ERICH3: variants seen among roughly 807,000 people sequenced by gnomAD.
ERICH3 encodes the protein glutamate-rich protein 3.
Under a neutral mutation model 131.1 loss-of-function variants are expected in ERICH3, and 126 were observed. The ratio of observed to expected loss-of-function variants is 0.96; its 90% confidence interval spans 0.83 to 1.11. The LOEUF is 1.11. ERICH3 is among the 50% of genes most tolerant of loss of function. ERICH3 has a pLI of 0.00. For synonymous variants in ERICH3, 695 were observed against 644.6 expected, an observed-to-expected ratio of 1.08 and a Z score of -1.18; for missense variants, 2,050 against 1,810.7, an observed-to-expected ratio of 1.13 and a Z score of -2.40.
intron 12 of ERICH3, chr1:74,579,996 CT>C: frequency 1.6e-6 from 1 of 622,932 alleles, no homozygotes; most frequent in Non-Finnish European, 2.0e-6. Context: ...ACAATGTCAG[CT>C]TTTTAGTATA....
At chr1:74,630,882 T>C (rs777053073) in intron 7 of ERICH3, among the ~76,000 whole-genome samples, 23 of 150,616 alleles carry the variant, frequency 1.5e-4, no homozygotes, top group South Asian at 4.2e-4. Flanking sequence ...AGGGAGAGAA[T>C]TGGTAAAAGT....
chr1:74,636,265 A>T lies in ERICH3; in HGVS notation c.603+15T>A. 6.4e-7 allele frequency: 1 copy of T among 1,565,284 alleles called. No homozygotes were observed. Among genetic ancestry groups the T allele is most frequent in the Non-Finnish European group, 8.6e-7 (1 of 1,157,850 alleles). On this transcript the variant is annotated intron_variant, in intron 6 of 14. Transcript: ENST00000326665. Reference sequence around the variant, plus strand: ...CAAAAATTAAAATATATTTATTGATAAAAATAACATTTACCCCAATGGGAA... The same window carrying T: ...CAAAAATTAAAATATATTTATTGATTAAAATAACATTTACCCCAATGGGAA...
intron 9 of ERICH3, among the ~76,000 whole-genome samples, chr1:74,607,788 T>C (rs1314818476): frequency 2.6e-5 from 4 of 152,026 alleles, no homozygotes; most frequent in African/African-American, 9.7e-5. Context: ...TATAGCTTTC[T>C]ATTTCTTAAG....
In ERICH3 at chr1:74,572,244, T is replaced by C. The variant is rs778078125; in HGVS notation, c.3466A>G (p.Ile1156Val). The C allele has an allele frequency of 1.8e-5, 29 of 1,614,132 alleles. No individual in the cohort carries two copies. The highest frequency in any genetic ancestry group is 2.4e-5 in the Non-Finnish European group (28 of 1,180,014). Reference protein sequence around the residue: ...EDSLKETVVPIFEATPGFEKS... With the variant: ...EDSLKETVVPVFEATPGFEKS... The stretch of plus-strand genomic sequence containing the variant: ...TCAAATCCAGGCGTTGCTTCAAATA[T>C]GGGAACCACTGTCTCTTTTAGTGAA... Residue 1156 changes from isoleucine (I) to valine (V), a missense_variant, in exon 14 of 15, where the codon ATA (isoleucine) becomes GTA (valine). Transcript: ENST00000326665.
chr1:74,648,123 A>G (rs958338797), intron 2 of ERICH3, among the ~76,000 whole-genome samples: 1 of 152,158 alleles, frequency 6.6e-6, no homozygotes, highest in Non-Finnish European at 1.5e-5. Flanking sequence ...GAGAGGCTAT[A>G]TTTGAACCTC....
chr1:74,631,009 C>T (rs1440199278), intron 7 of ERICH3, among the ~76,000 whole-genome samples: 1 of 151,958 alleles, frequency 6.6e-6, no homozygotes, highest in African/African-American at 2.4e-5. Flanking sequence ...GAATAAGGTT[C>T]CTGAAAGTGA....
At chr1:74,602,899 A>G (rs1335836830) in intron 10 of ERICH3, among the ~76,000 whole-genome samples, 1 of 151,990 alleles carries the variant, frequency 6.6e-6, no homozygotes, top group Non-Finnish European at 1.5e-5. Context: ...TCATCCCAAG[A>G]TAAGACAAAG....
At chr1:74,641,681 G>A (rs991341360) in intron 4 of ERICH3, among the ~76,000 whole-genome samples, 1 of 151,992 alleles carries the variant, frequency 6.6e-6, no homozygotes, top group African/African-American at 2.4e-5. Flanking sequence ...CTCCATTTTA[G>A]CAATAATATT....
rs149100800 is a variant in ERICH3, at chr1:74,599,822, A to G, written c.1599T>C (p.Asp533=). The change falls in exon 11 of 15, where the codon GAT becomes GAC. Residue 533 remains aspartate (D), a synonymous_variant. Transcript: ENST00000326665. ...TTTCAGGGTCTAAATTATCTTTTTT[A>G]TCATCCAAAGGTGACTGCGGTATTC... ...MNGIPQSPLD[D]KKDNLDPEKE... 4.3e-6 allele frequency: 7 copies of G among 1,612,310 alleles called. No homozygotes were observed. In the African/African-American group the frequency reaches 6.7e-5, roughly 15 times the overall value.
chr1:74,596,843 C>A (rs1647874787), intron 11 of ERICH3, among the ~76,000 whole-genome samples: 1 of 152,118 alleles, frequency 6.6e-6, no homozygotes, highest in East Asian at 1.9e-4. Context: ...AGTCAGCTTG[C>A]AGCCAGTAGC....
rs150065279 is a variant in ERICH3, at chr1:74,588,315, G to T, written c.2176+1316C>A. 1.1e-3 allele frequency among the ~76,000 whole-genome samples: 165 copies of T among 152,084 alleles called. 2 individuals are homozygous for T. In the Middle Eastern group the frequency reaches 0.027, roughly 25 times the overall value. On this transcript the variant is annotated intron_variant, in intron 12 of 14. Coordinates refer to ENST00000326665, the MANE Select transcript of ERICH3 (RefSeq NM_001002912.5). The stretch of plus-strand genomic sequence containing the variant: ...TTTTTTACCTTCTCTATTTTACATG[G>T]GACTACTAACCTTTGTCTGGTGGTG...
In ERICH3 at chr1:74,571,301, GCTCCTGT is replaced by G; in HGVS notation, c.4402_4408del (p.Thr1468GlnfsTer7). ...TAATCCTAATCGGAATTTTTCAGCT[GCTCCTGT>G]CTCCTGCCTCCCATCGCCACTCCCA... On this transcript the variant is annotated frameshift_variant, in exon 14 of 15. Coordinates refer to ENST00000326665, the MANE Select transcript of ERICH3 (RefSeq NM_001002912.5). LOFTEE classifies it high-confidence loss of function. 6.2e-7 allele frequency: 1 copy of G among 1,613,944 alleles called. No homozygotes were observed. The highest frequency in any genetic ancestry group is 1.7e-4 in the Middle Eastern group (1 of 6,060).
intron 12 of ERICH3, among the ~76,000 whole-genome samples, chr1:74,587,937 G>A (rs1010188456): frequency 4.6e-5 from 7 of 152,160 alleles, no homozygotes; most frequent in Admixed American, 6.5e-5. Flanking sequence ...CTAGGGCAGA[G>A]GTTTATGAAC....
At chr1:74,674,275 G>A (rs988035423), upstream of ERICH3, among the ~76,000 whole-genome samples, 5 of 152,152 alleles carry the variant, frequency 3.3e-5, no homozygotes, top group African/African-American at 1.2e-4. Context: ...TGGGGGAGAC[G>A]CAGTTATTCA....
chr1:74,572,980 G>GGCT lies in ERICH3; in HGVS notation c.2727_2729dup (p.Ala910dup). ...CTTCATGAAGATGCTCCAAGTTCAG[G>GGCT]GCTGCTGCTTCATTTGCAAGCACTG... On this transcript the variant is annotated inframe_insertion, in exon 14 of 15. Coordinates refer to ENST00000326665, the MANE Select transcript of ERICH3 (RefSeq NM_001002912.5). 1 of 1,614,060 alleles carries GGCT rather than the reference G, an allele frequency of 6.2e-7. No homozygotes were observed. The highest frequency in any genetic ancestry group is 8.5e-7 in the Non-Finnish European group (1 of 1,180,020).
intron 10 of ERICH3, 23 bp downstream of exon 10, chr1:74,606,578 A>T (rs745695562): frequency 6.4e-7 from 1 of 1,570,818 alleles, no homozygotes; most frequent in Admixed American, 1.9e-5. Flanking sequence ...GCTACAACAA[A>T]AGAAACTTGT....
intron 13 of ERICH3, among the ~76,000 whole-genome samples, chr1:74,575,467 T>A (rs1226329974): frequency 1.3e-5 from 2 of 152,202 alleles, no homozygotes; most frequent in East Asian, 3.8e-4. Context: ...CAAATATTTG[T>A]TCACAGAACA....
At chr1:74,628,369 T>A (rs1029049463) in intron 7 of ERICH3, among the ~76,000 whole-genome samples, 1 of 152,132 alleles carries the variant, frequency 6.6e-6, no homozygotes, top group African/African-American at 2.4e-5. Context: ...TGCTCACGGG[T>A]GGACGATTCA....
At chr1:74,583,565 C>T (rs1397714358) in intron 12 of ERICH3, among the ~76,000 whole-genome samples, 1 of 151,982 alleles carries the variant, frequency 6.6e-6, no homozygotes, top group Non-Finnish European at 1.5e-5. Flanking sequence ...CCATGAGTAA[C>T]TGAAACTTCA....
Sources: gnomAD v4.1 joint callset for allele counts (sites outside exome capture counted in the v4.1 genomes callset) on GRCh38, gnomAD v4.1.1 for gene constraint, MANE v1.5 for transcripts, NCBI Gene and HGNC (gene_info 2026-07-23, HGNC 2026-07-21) for gene names.